The following NAALADL2 variants were observed in gnomAD, a reference collection of about 807,000 sequenced individuals.
NAALADL2 encodes inactive N-acetylated-alpha-linked acidic dipeptidase-like protein 2.
In NAALADL2, 76 loss-of-function variants were observed where a neutral mutation model predicts 87.2. That is an observed-to-expected ratio of 0.87 (90% CI 0.72 to 1.05). The LOEUF is 1.05. Ranked by LOEUF, NAALADL2 falls within the 50% of genes least tolerant of loss-of-function variation. The pLI, the probability that NAALADL2 is intolerant of heterozygous loss-of-function variation, is 0.00. For missense variants in NAALADL2, 1,089 were observed against 945.8 expected (o/e 1.15, Z -1.99); for synonymous variants, 354 against 331.0 (o/e 1.07, Z -0.75).
At chr3:175,330,989 A>G (rs1581451072) in intron 5 of NAALADL2, among the ~76,000 whole-genome samples, 1 of 151,066 alleles carries the variant, frequency 6.6e-6, no homozygotes, top group East Asian at 2.0e-4. Context: ...CCACATAAAT[A>G]CAAAAGATCA....
chr3:174,751,265 T>C (rs1659556560), intron 3 of NAALADL2, among the ~76,000 whole-genome samples: 1 of 152,166 alleles, frequency 6.6e-6, no homozygotes, highest in African/African-American at 2.4e-5. Flanking sequence ...TGTATTTTAG[T>C]CCAAAATTGT....
chr3:175,122,529 C>A, intron 2 of NAALADL2, among the ~76,000 whole-genome samples: 1 of 151,522 alleles, frequency 6.6e-6, no homozygotes, highest in Admixed American at 6.6e-5. Flanking sequence ...ATTGGCATAT[C>A]ATTAGGCAAG....
intron 1 of NAALADL2, among the ~76,000 whole-genome samples, chr3:175,032,071 TA>T (rs1190417280): frequency 3.9e-5 from 6 of 152,064 alleles, no homozygotes. Flanking sequence ...GTTGTCTGTT[TA>T]TTTTTTTGAT....
At chr3:175,045,931 A>G (rs1377005464) in intron 1 of NAALADL2, among the ~76,000 whole-genome samples, 1 of 152,112 alleles carries the variant, frequency 6.6e-6, no homozygotes, top group Non-Finnish European at 1.5e-5. Flanking sequence ...CAAAATTAAT[A>G]AGTGCCTTGC....
chr3:174,711,903 G>T (rs1046879526), intron 2 of NAALADL2, among the ~76,000 whole-genome samples: 1 of 152,150 alleles, frequency 6.6e-6, no homozygotes, highest in East Asian at 1.9e-4. Flanking sequence ...GGGTTCAAGA[G>T]ATTCTCTTGC....
intron 1 of NAALADL2, among the ~76,000 whole-genome samples, chr3:174,977,405 A>G (rs189257956): frequency 7.3e-4 from 111 of 152,312 alleles, no homozygotes; most frequent in African/African-American, 2.6e-3. Flanking sequence ...GATTACAGGC[A>G]TGAGCCACTG....
At chr3:174,715,401 T>C (rs1731086719) in intron 2 of NAALADL2, among the ~76,000 whole-genome samples, 1 of 152,230 alleles carries the variant, frequency 6.6e-6, no homozygotes, top group African/African-American at 2.4e-5. Context: ...TCAGTATTAC[T>C]TATTCATTAA....
intron 1 of NAALADL2, chr3:175,060,015 G>A (rs1428779714): frequency 4.8e-6 from 2 of 418,982 alleles, no homozygotes; most frequent in African/African-American, 4.3e-5. Context: ...GGCTTTTCAG[G>A]TCTCTGAAAC....
intron 3 of NAALADL2, among the ~76,000 whole-genome samples, chr3:175,237,510 T>G (rs958503579): frequency 2.6e-5 from 4 of 152,178 alleles, no homozygotes; most frequent in African/African-American, 9.6e-5. Flanking sequence ...TTTAGAATTA[T>G]AAGTTATAAG....
chr3:175,476,118 C>CT (rs1184455808), intron 9 of NAALADL2, among the ~76,000 whole-genome samples: 2 of 152,118 alleles, frequency 1.3e-5, no homozygotes, highest in African/African-American at 2.4e-5. Context: ...TCCTGTTTTA[C>CT]TTTTTTTATA....
At chr3:175,294,606 C>A (rs1756075796) in intron 4 of NAALADL2, among the ~76,000 whole-genome samples, 1 of 152,066 alleles carries the variant, frequency 6.6e-6, no homozygotes, top group South Asian at 2.1e-4. Context: ...GTTGCAGAGC[C>A]AAGGTTCAAG....
intron 5 of NAALADL2, among the ~76,000 whole-genome samples, chr3:175,343,306 T>C (rs943528388): frequency 6.6e-6 from 1 of 152,098 alleles, no homozygotes; most frequent in Non-Finnish European, 1.5e-5. Flanking sequence ...AGTTTCTCCA[T>C]TGCACACATG....
At chr3:175,494,697 C>T (rs565994209) in intron 9 of NAALADL2, among the ~76,000 whole-genome samples, 1 of 152,198 alleles carries the variant, frequency 6.6e-6, no homozygotes, top group East Asian at 1.9e-4. Context: ...CCAATCGGTA[C>T]CTAGGACACG....
In NAALADL2 at chr3:174,845,872, G is replaced by A. The variant is rs57170945; in HGVS notation, c.-9+108126G>A. ...GTTAACTTAGTGGAATGACAGTAGCGTCTTAGGAATGGACGAGGTTGGTGG... is the reference window on the plus strand; with the variant it reads ...GTTAACTTAGTGGAATGACAGTAGCATCTTAGGAATGGACGAGGTTGGTGG... On this transcript the variant is annotated intron_variant, in intron 3 of 3. Coordinates refer to the NAALADL2 transcript ENST00000434257. Among the ~76,000 whole-genome samples, 1,161 of 152,294 alleles carry A rather than the reference G, an allele frequency of 7.6e-3. 18 individuals are homozygous for A. Among genetic ancestry groups the A allele is most frequent in the African/African-American group, 0.026 (1,100 of 41,578 alleles).
intron 1 of NAALADL2, among the ~76,000 whole-genome samples, chr3:175,008,193 C>A (rs1749291920): frequency 6.6e-6 from 1 of 152,002 alleles, no homozygotes; most frequent in Non-Finnish European, 1.5e-5. Flanking sequence ...GCCTAGCCAA[C>A]ATAGTGAGAA....
intron 13 of NAALADL2, among the ~76,000 whole-genome samples, chr3:175,797,402 T>A (rs1348047298): frequency 9.2e-5 from 14 of 152,276 alleles, no homozygotes; most frequent in African/African-American, 1.2e-4. Context: ...GATAGTGATT[T>A]ATTGAATTAG....
At chr3:175,384,420 C>T (rs976898983) in intron 5 of NAALADL2, among the ~76,000 whole-genome samples, 7 of 151,950 alleles carry the variant, frequency 4.6e-5, no homozygotes, top group Admixed American at 1.3e-4. Flanking sequence ...TGGAAAGATG[C>T]TTTATCATTA....
intron 2 of NAALADL2, among the ~76,000 whole-genome samples, chr3:174,694,594 G>A (rs889496964): frequency 1.3e-5 from 2 of 151,896 alleles, no homozygotes; most frequent in Non-Finnish European, 2.9e-5. Flanking sequence ...AAAGATTCTA[G>A]GGCCTTCATT....
At chr3:174,983,911 A>G (rs968244646) in intron 1 of NAALADL2, among the ~76,000 whole-genome samples, 5 of 152,194 alleles carry the variant, frequency 3.3e-5, no homozygotes, top group Admixed American at 3.3e-4. Flanking sequence ...GTCAAAATAT[A>G]AAAACATACA....
Sources: allele counts gnomAD v4.1 joint callset (sites outside exome capture counted in the v4.1 genomes callset), GRCh38; gene constraint gnomAD v4.1.1; transcripts MANE v1.5; gene names NCBI Gene and HGNC (gene_info 2026-07-23, HGNC 2026-07-21).